Variants in TRPV3 observed in about 807,000 individuals in gnomAD.
TRPV3 encodes the protein transient receptor potential cation channel subfamily V member 3, also known as VRL-3.
Under a neutral mutation model 87.1 loss-of-function variants are expected in TRPV3, and 88 were observed. The ratio of observed to expected loss-of-function variants is 1.01; its 90% CI spans 0.85 to 1.21. The LOEUF is 1.21. Ranked by LOEUF, TRPV3 falls within the 50% of genes most tolerant of loss-of-function variation. TRPV3 has a pLI of 0.00. For synonymous variants in TRPV3, 438 were observed against 423.3 expected (o/e 1.03, Z -0.43); for missense variants, 1,054 against 1,030.1 (o/e 1.02, Z -0.32).
chr17:3,522,766 G>A (rs192989108), intron 13 of TRPV3, among the ~76,000 whole-genome samples: 32 of 148,998 alleles, frequency 2.1e-4, no homozygotes, highest in Admixed American at 1.8e-3. Context: ...GCAGTGAGCC[G>A]AGATTGCACT....
chr17:3,518,156 C>T lies in TRPV3; in HGVS notation c.2085+420G>A, dbSNP rs1206612311. Among the ~76,000 whole-genome samples the T allele has an allele frequency of 6.6e-6, 1 of 152,096 alleles. No individual in the cohort carries two copies. The highest frequency in any genetic ancestry group is 1.5e-5 in the Non-Finnish European group (1 of 68,024). On this transcript the variant is annotated intron_variant, in intron 15 of 17. Coordinates refer to ENST00000576742, the MANE Select transcript of TRPV3 (RefSeq NM_145068.4). The surrounding 1 kb of genome is among the most constrained non-coding windows in gnomAD (Gnocchi z 4.3). The stretch of plus-strand genomic sequence containing the variant: ...TTCTTAAGAGGCAGTCTCCAGTCCT[C>T]TCCCAAACCTGGTTACCACCTCTGA...
intron 11 of TRPV3, 76 bp downstream of exon 11, chr17:3,527,949 G>T: frequency 8.7e-7 from 1 of 1,143,294 alleles, no homozygotes; most frequent in Non-Finnish European, 1.3e-6. Context: ...AGCAGTAATG[G>T]CAGAGCAGAG....
intron 2 of TRPV3, among the ~76,000 whole-genome samples, chr17:3,547,307 C>T (rs371032441): frequency 1.3e-4 from 20 of 152,316 alleles, no homozygotes; most frequent in African/African-American, 3.6e-4. Flanking sequence ...CTGTTTGTCA[C>T]AGCAGAAAAT....
intron 1 of TRPV3, among the ~76,000 whole-genome samples, chr17:3,555,838 A>G (rs322962): frequency 0.7 from 106,296 of 151,990 alleles, 37,281 homozygotes; most frequent in East Asian, 0.77. Flanking sequence ...AGCGAAAGCC[A>G]TGCGGGCAGG....
At chr17:3,524,112 C>T (rs927010150) in intron 13 of TRPV3, 86 bp downstream of exon 13, 25 of 1,538,766 alleles carry the variant, frequency 1.6e-5, no homozygotes, top group Non-Finnish European at 1.9e-5. Context: ...CTTGGTAAAC[C>T]CCTCTTCCTC....
intron 8 of TRPV3, among the ~76,000 whole-genome samples, chr17:3,531,452 G>A (rs1327552336): frequency 4.2e-5 from 6 of 144,010 alleles, no homozygotes; most frequent in African/African-American, 7.6e-5. Flanking sequence ...GCCCCAGGAC[G>A]GTGGCCAAGC....
intron 4 of TRPV3, 84 bp downstream of exon 4, chr17:3,544,495 C>A (rs1450930925): frequency 2.4e-6 from 2 of 826,000 alleles, no homozygotes; most frequent in Non-Finnish European, 1.9e-6. Context: ...ATTCTTTCTC[C>A]TTCCTGCAGG....
At chr17:3,533,469 A>G (rs1390789379) in intron 7 of TRPV3, among the ~76,000 whole-genome samples, 2 of 150,538 alleles carry the variant, frequency 1.3e-5, no homozygotes, top group Non-Finnish European at 3.0e-5. Flanking sequence ...CTTGTCCCAG[A>G]CAGAACTCTT....
chr17:3,532,469 C>T (rs970729830), intron 8 of TRPV3, among the ~76,000 whole-genome samples, 188 bp downstream of exon 8: 4 of 152,250 alleles, frequency 2.6e-5, no homozygotes, highest in African/African-American at 7.2e-5. Context: ...GCACCAGCTC[C>T]GCGTGGCCCC....
intron 2 of TRPV3, among the ~76,000 whole-genome samples, chr17:3,545,559 G>A (rs1468569555): frequency 6.6e-6 from 1 of 152,088 alleles, no homozygotes; most frequent in African/African-American, 2.4e-5. Flanking sequence ...CAAGGTTGAG[G>A]ACACACCCGG....
chr17:3,523,909 C>T (rs1266375313), intron 13 of TRPV3, among the ~76,000 whole-genome samples: 5 of 150,398 alleles, frequency 3.3e-5, no homozygotes, highest in Admixed American at 2.0e-4. Flanking sequence ...CACACACATA[C>T]ACACACACAC....
At chr17:3,537,680 G>T (rs2074419859) in intron 6 of TRPV3, among the ~76,000 whole-genome samples, 1 of 152,034 alleles carries the variant, frequency 6.6e-6, no homozygotes, top group Non-Finnish European at 1.5e-5. Context: ...GAGGCGGGTG[G>T]ATCACTTGAG....
Position 3,524,213 on chromosome 17 carries a change from G to A in TRPV3, c.1728C>T (p.Ser576=), listed in dbSNP as rs776741219. ...CTCAACGCACCTTCTGGATCATGAC[G>A]CTGTACATGCCCATGGACTGGAAAC... ...TRGFQSMGMY[S]VMIQKVILHD... The change falls in exon 13 of 18, where the codon AGC becomes AGT. Residue 576 remains serine (S), a synonymous_variant. Coordinates refer to ENST00000576742, the MANE Select transcript of TRPV3 (RefSeq NM_145068.4). The A allele has an allele frequency of 2.1e-5, 34 of 1,613,922 alleles. No homozygotes were observed. The highest frequency in any genetic ancestry group is 3.3e-5 in the Admixed American group (2 of 59,984).
chr17:3,514,370 C>T (rs1017218203), intron 17 of TRPV3: 7 of 571,914 alleles, frequency 1.2e-5, no homozygotes, highest in East Asian at 2.9e-5. Context: ...CGAGCCACCG[C>T]GCCCGGCCTG....
rs746063409 is a variant in TRPV3 at position 3,532,976 on chromosome 17, G to A, written c.785-39C>T. 21 of 1,602,594 alleles carry A rather than the reference G, an allele frequency of 1.3e-5. 1 individual carries two copies. In the Middle Eastern group the frequency reaches 2.0e-3, roughly 152 times the overall value. ...GCACTGAAGCTTGGTTCTCTCATGG[G>A]CCGGAAGCAGCGTCCCCCAAGCCCC... On this transcript the variant is annotated intron_variant, in intron 7 of 17. Transcript: ENST00000576742.
chr17:3,518,509 G>C lies in TRPV3; in HGVS notation c.2085+67C>G. 1 of 1,488,100 alleles carries C rather than the reference G, an allele frequency of 6.7e-7. No homozygotes were observed. The highest frequency in any genetic ancestry group is 1.4e-5 in the South Asian group (1 of 72,922). 92.2% of individuals were successfully genotyped at this position (1,488,100 alleles called of 1,614,324 possible). On this transcript the variant is annotated intron_variant, in intron 15 of 17. Coordinates refer to ENST00000576742, the MANE Select transcript of TRPV3 (RefSeq NM_145068.4). This position sits in a 1 kb window ranked among gnomAD's most constrained non-coding sequence, Gnocchi z 4.3. ...CTCAGACCCACTGGTGCTGACAGTA[G>C]TCAATGACCACGTGCTGAACTGAGT...
rs141810999 is a variant in TRPV3 at position 3,513,662 on chromosome 17, G to A, written c.*255C>T. On this transcript the variant is annotated 3_prime_UTR_variant, in exon 18 of 18. Transcript: ENST00000576742. ...ACCCGGGACTTCAGGAGGCTCCCAG[G>A]CTCCAGACTGCTGCTGGCTGTAGGT... 7 of 395,222 alleles carry A rather than the reference G, an allele frequency of 1.8e-5. No individual in the cohort carries two copies. Among genetic ancestry groups the A allele is most frequent in the Admixed American group, 1.2e-4 (3 of 25,076 alleles). 24.5% of individuals were successfully genotyped at this position (395,222 alleles called of 1,614,324 possible). A position where few individuals can be genotyped will look rare whatever the true frequency, so the allele number is the denominator to read the frequency against.
At chr17:3,552,238 G>T (rs2074582929) in intron 2 of TRPV3, 1 of 148,214 alleles carries the variant, frequency 6.7e-6, no homozygotes, top group African/African-American at 2.5e-5. Context: ...CTGTCGCCCA[G>T]GCTGGAGTGC....
Position 3,543,538 on chromosome 17 carries a change from C to G in TRPV3, c.402G>C (p.Glu134Asp). Residue 134 changes from glutamate to aspartate, a missense_variant, in exon 5 of 18, where the codon GAG becomes GAC. Physicochemically the swap from Glu to Asp is conservative, Grantham distance 45. Coordinates refer to ENST00000576742, the MANE Select transcript of TRPV3 (RefSeq NM_145068.4). ...GCAGCTCCACCAGCAACTCTACCAA[C>G]TCCTCCACGCAGCCCTCAGACACGG... ...FAAVSEGCVEELVELLVELQE... is the reference protein window; with the variant it reads ...FAAVSEGCVEDLVELLVELQE... 6.2e-7 allele frequency: 1 copy of G among 1,614,142 alleles called. No homozygotes were observed. The highest frequency in any genetic ancestry group is 1.3e-5 in the African/African-American group (1 of 75,076).
Sources: gnomAD v4.1 joint callset for allele counts (sites outside exome capture counted in the v4.1 genomes callset) on GRCh38, gnomAD v4.1.1 for gene constraint, Gnocchi (gnomAD v3.1) non-coding constraint, MANE v1.5 for transcripts, NCBI Gene and HGNC (gene_info 2026-07-23, HGNC 2026-07-21) for gene names.